The following ACKR3 variants were observed in gnomAD, a reference collection of about 807,000 sequenced individuals.
The protein encoded by ACKR3 is atypical chemokine receptor 3.
A neutral mutation model predicts 22.4 loss-of-function variants in ACKR3; 6 were observed. The observed-to-expected ratio is 0.27, with a 90% CI of 0.15 to 0.53. The LOEUF (loss-of-function observed/expected upper bound fraction) is 0.53, where lower values mean the gene tolerates loss of function less well. Ranked by LOEUF, ACKR3 falls within the 20% of genes least tolerant of loss-of-function variation. ACKR3 has a pLI of 0.96. For synonymous variants in ACKR3, 209 were observed against 205.2 expected (o/e 1.02, Z -0.16); for missense variants, 396 against 475.2 (o/e 0.83, Z 1.55).
the ACKR3 span, among the ~76,000 whole-genome samples, chr2:236,541,534 T>C: frequency 2.0e-5 from 3 of 152,346 alleles, no homozygotes; most frequent in East Asian, 5.8e-4. Flanking sequence ...TATTTGGTAC[T>C]TTATTGAGAG....
chr2:236,547,945 G>A, the ACKR3 span, among the ~76,000 whole-genome samples: 1 of 151,700 alleles, frequency 6.6e-6, no homozygotes, highest in Non-Finnish European at 1.5e-5. Flanking sequence ...CATCAATTTG[G>A]AAAACTCAGA....
At chr2:236,556,147 C>A in the ACKR3 span, among the ~76,000 whole-genome samples, 2 of 152,082 alleles carry the variant, frequency 1.3e-5, no homozygotes, top group Non-Finnish European at 2.9e-5. Context: ...AGAAGGATCA[C>A]CCAGTCGGGG....
At chr2:236,562,935 C>T (rs769992500), upstream of ACKR3, among the ~76,000 whole-genome samples, 1 of 152,158 alleles carries the variant, frequency 6.6e-6, no homozygotes, top group Non-Finnish European at 1.5e-5. Context: ...CATGAGAATT[C>T]TGGTGGTTCC....
At chr2:236,537,967 A>T in the ACKR3 span, among the ~76,000 whole-genome samples, 1 of 152,256 alleles carries the variant, frequency 6.6e-6, no homozygotes, top group Admixed American at 6.5e-5. Flanking sequence ...CTAGAAAAAT[A>T]AAAATAACCT....
the ACKR3 span, among the ~76,000 whole-genome samples, chr2:236,542,380 G>A: frequency 6.6e-6 from 1 of 152,210 alleles, no homozygotes; most frequent in Admixed American, 6.5e-5. Context: ...AGGGAGGCAA[G>A]GTAGCAGTTG....
chr2:236,539,148 C>T, the ACKR3 span, among the ~76,000 whole-genome samples: 1 of 152,070 alleles, frequency 6.6e-6, no homozygotes, highest in Non-Finnish European at 1.5e-5. Flanking sequence ...GAAAATACTA[C>T]AGTTTATTAT....
the ACKR3 span, among the ~76,000 whole-genome samples, chr2:236,540,929 A>T: frequency 1.5e-4 from 23 of 152,334 alleles, no homozygotes; most frequent in South Asian, 3.5e-3. Flanking sequence ...GTACCCAAAT[A>T]CCTGTTATAG....
rs755543756 is a variant in ACKR3 at position 236,580,923 on chromosome 2, C to G, written c.458C>G (p.Pro153Arg). 3 of 1,614,216 alleles carry G rather than the reference C, an allele frequency of 1.9e-6. No individual in the cohort carries two copies. The highest frequency in any genetic ancestry group is 2.5e-6 in the Non-Finnish European group (3 of 1,180,034). ...YLSITYFTNT[P>R]SSRKKMVRRV... ...TCCATCACCTACTTCACCAACACCCCCAGCAGCAGGAAGAAGATGGTACGC... is the reference window on the plus strand; with the variant it reads ...TCCATCACCTACTTCACCAACACCCGCAGCAGCAGGAAGAAGATGGTACGC... The change falls in exon 2 of 2, where the codon CCC becomes CGC. Residue 153 changes from proline to arginine, a missense_variant. By Grantham distance (103) the Pro-to-Arg change is moderately radical (BLOSUM62 -2). Coordinates refer to ENST00000272928, the MANE Select transcript of ACKR3 (RefSeq NM_020311.3).
chr2:236,577,719 TG>T lies in ACKR3; in HGVS notation c.-26-2717del, dbSNP rs1691440622. Among the ~76,000 whole-genome samples the T allele has an allele frequency of 6.6e-6, 1 of 151,446 alleles. No individual in the cohort carries two copies. The highest frequency in any genetic ancestry group is 2.1e-4 in the South Asian group (1 of 4,784). On this transcript the variant is annotated intron_variant, in intron 1 of 1. Coordinates refer to ENST00000272928, the MANE Select transcript of ACKR3 (RefSeq NM_020311.3). The surrounding 1 kb of genome is among the most constrained non-coding windows in gnomAD (Gnocchi z 5.6). ...ATGTCACCATGGTGGGGGAGAGAGG[TG>T]GGGCGGATTCGGGATCCAAGTTCGG...
chr2:236,548,334 T>C, the ACKR3 span, among the ~76,000 whole-genome samples: 6 of 152,246 alleles, frequency 3.9e-5, no homozygotes, highest in African/African-American at 1.4e-4. This position sits in a 1 kb window ranked among gnomAD's most constrained non-coding sequence, Gnocchi z 4.3. Context: ...TCAATCTGGC[T>C]ACTGCATGAA....
chr2:236,554,674 C>T, the ACKR3 span, among the ~76,000 whole-genome samples: 1 of 152,172 alleles, frequency 6.6e-6, no homozygotes, highest in African/African-American at 2.4e-5. Context: ...GCAGGGGGTG[C>T]AGGGAAGGGT....
At chr2:236,541,643 C>T in the ACKR3 span, among the ~76,000 whole-genome samples, 4 of 152,172 alleles carry the variant, frequency 2.6e-5, no homozygotes, top group African/African-American at 9.6e-5. Context: ...ACACTTAACG[C>T]CTGTATAGTG....
upstream of ACKR3, among the ~76,000 whole-genome samples, chr2:236,566,645 C>T (rs984535509): frequency 2.0e-5 from 3 of 150,528 alleles, no homozygotes; most frequent in Non-Finnish European, 4.4e-5. Context: ...TTATTCTTCT[C>T]TGTTTAATCC....
At chr2:236,575,737 C>G (rs1311393619) in intron 1 of ACKR3, among the ~76,000 whole-genome samples, 3 of 152,110 alleles carry the variant, frequency 2.0e-5, no homozygotes, top group Non-Finnish European at 2.9e-5. Flanking sequence ...TGTCGTAACT[C>G]TCCCTGTGCA....
At chr2:236,551,506 C>T in the ACKR3 span, among the ~76,000 whole-genome samples, 2 of 152,116 alleles carry the variant, frequency 1.3e-5, no homozygotes, top group African/African-American at 2.4e-5. Flanking sequence ...CAGGGGCCAT[C>T]CTGCCACCTG....
chr2:236,581,767 C>T lies in ACKR3; in HGVS notation c.*213C>T. 1 of 585,314 alleles carries T rather than the reference C, an allele frequency of 1.7e-6. No individual in the cohort carries two copies. The highest frequency in any genetic ancestry group is 3.0e-6 in the Non-Finnish European group (1 of 337,176). 36.3% of individuals were successfully genotyped at this position (585,314 alleles called of 1,614,324 possible). On this transcript the variant is annotated 3_prime_UTR_variant, in exon 2 of 2. Transcript: ENST00000272928. This position sits in a 1 kb window ranked among gnomAD's most constrained non-coding sequence, Gnocchi z 4.4. The stretch of plus-strand genomic sequence containing the variant: ...GCTGACAGTTTTGCAACAGGCAGAG[C>T]TGTGTCGCACAGCAGTGCTGTGCGT...
Position 236,577,268 on chromosome 2 carries a change from G to A in ACKR3, c.-26-3172G>A, listed in dbSNP as rs1336403273. Among the ~76,000 whole-genome samples the A allele has an allele frequency of 2.6e-5, 4 of 152,362 alleles. No homozygotes were observed. Among genetic ancestry groups the A allele is most frequent in the East Asian group, 3.9e-4 (2 of 5,186 alleles). The stretch of plus-strand genomic sequence containing the variant: ...TTGGAAGTTTCCCACTGTGCCACCC[G>A]GGAGGGGAGAAGCAAGGACAGAGGC... On this transcript the variant is annotated intron_variant, in intron 1 of 1. Coordinates refer to ENST00000272928, the MANE Select transcript of ACKR3 (RefSeq NM_020311.3). The surrounding 1 kb of genome is among the most constrained non-coding windows in gnomAD (Gnocchi z 5.6).
intron 1 of ACKR3, among the ~76,000 whole-genome samples, chr2:236,572,258 C>A (rs1269415599): frequency 6.6e-6 from 1 of 152,076 alleles, no homozygotes; most frequent in Non-Finnish European, 1.5e-5. Context: ...TTAAAGTGAT[C>A]AGGGAATTGC....
the ACKR3 span, among the ~76,000 whole-genome samples, chr2:236,559,129 G>T: frequency 6.6e-6 from 1 of 152,116 alleles, no homozygotes; most frequent in African/African-American, 2.4e-5. Flanking sequence ...TACTCTCATG[G>T]CAAAAGTTTC....
Sources: gnomAD v4.1 joint callset for allele counts (sites outside exome capture counted in the v4.1 genomes callset) on GRCh38, gnomAD v4.1.1 for gene constraint, Gnocchi (gnomAD v3.1) non-coding constraint, MANE v1.5 for transcripts, NCBI Gene and HGNC (gene_info 2026-07-23, HGNC 2026-07-21) for gene names.